The following AGAP1 variants were observed in gnomAD, a reference collection of about 807,000 sequenced individuals.
AGAP1 encodes ArfGAP with GTPase domain, ankyrin repeat and PH domain 1, also known as arf-GAP with GTPase, ANK repeat and PH domain-containing protein 1.
AGAP1 carries 29 observed loss-of-function variants against 105.3 expected under a neutral mutation model. The ratio of observed to expected loss-of-function variants is 0.28; its 90% CI spans 0.21 to 0.38. AGAP1 has a LOEUF of 0.38. Among genes scored for constraint, AGAP1 ranks in the 10% least tolerant of loss-of-function variants. The pLI is 1.00. For synonymous variants in AGAP1, 509 were observed against 485.9 expected (o/e 1.05, Z -0.63); for missense variants, 998 against 1,165.1 (o/e 0.86, Z 2.09).
Position 235,721,158 on chromosome 2 carries a change from C to T in AGAP1, c.310+3514C>T, listed in dbSNP as rs1436730182. ...GAGTAGCTGGGATTACAGGCACCCC[C>T]CACCGCGCCCGGATAATTTTTGTAT... On this transcript the variant is annotated intron_variant, in intron 3 of 17. Transcript: ENST00000304032. This position sits in a 1 kb window ranked among gnomAD's most constrained non-coding sequence, Gnocchi z 4.5. Among the ~76,000 whole-genome samples the T allele has an allele frequency of 1.3e-5, 2 of 152,094 alleles. No individual in the cohort carries two copies. The highest frequency in any genetic ancestry group is 1.3e-4 in the Admixed American group (2 of 15,270).
rs575300411 is a variant in AGAP1 at position 235,610,634 on chromosome 2, T to C, written c.164-98545T>C. On this transcript the variant is annotated intron_variant, in intron 1 of 17. Transcript: ENST00000304032. This position sits in a 1 kb window ranked among gnomAD's most constrained non-coding sequence, Gnocchi z 4.9. Reference sequence around the variant, plus strand: ...ATCGCATTGGGGGTTGAGCTTTAAATACAAATTTCAGGAGAGCTCAATACA... The same window carrying C: ...ATCGCATTGGGGGTTGAGCTTTAAACACAAATTTCAGGAGAGCTCAATACA... Among the ~76,000 whole-genome samples the C allele has an allele frequency of 6.6e-6, 1 of 152,230 alleles. No individual in the cohort carries two copies. The highest frequency in any genetic ancestry group is 2.1e-4 in the South Asian group (1 of 4,826).
chr2:236,120,562 A>G lies in AGAP1; in HGVS notation c.2370+115A>G, dbSNP rs74814110. On this transcript the variant is annotated intron_variant, in intron 17 of 17. Coordinates refer to ENST00000304032, the MANE Select transcript of AGAP1 (RefSeq NM_001037131.3). This position sits in a 1 kb window ranked among gnomAD's most constrained non-coding sequence, Gnocchi z 6.0. ...GCTGTTGTTCTCGATCTGCAAGTGG[A>G]AACAGTTCCTAATGGGAAACTCTGA... 11,073 of 1,517,478 alleles carry G rather than the reference A, an allele frequency of 7.3e-3. 681 individuals carry two copies. In the African/African-American group the frequency reaches 0.13, roughly 18 times the overall value. The allele number at this position is 1,517,478 out of a possible 1,614,324, so 94.0% of individuals were successfully genotyped here.
At chr2:235,713,592 T>C (rs1950955113) in intron 2 of AGAP1, among the ~76,000 whole-genome samples, 1 of 152,216 alleles carries the variant, frequency 6.6e-6, no homozygotes, top group Admixed American at 6.5e-5. Flanking sequence ...GGAAGCCAGA[T>C]CAACACACTG....
At chr2:235,585,126 G>A (rs879518863) in intron 1 of AGAP1, among the ~76,000 whole-genome samples, 3 of 151,592 alleles carry the variant, frequency 2.0e-5, no homozygotes, top group African/African-American at 7.3e-5. Context: ...ATTTCTTATC[G>A]CTGTTGTAAC....
intron 1 of AGAP1, among the ~76,000 whole-genome samples, chr2:235,707,487 G>A (rs922632740): frequency 2.4e-4 from 3 of 12,586 alleles, no homozygotes; most frequent in Non-Finnish European, 3.9e-4. Context: ...CCCCCCCCCC[G>A]CCCAGAACAC....
Position 236,012,900 on chromosome 2 carries a change from C to G in AGAP1, c.1646-23661C>G, listed in dbSNP as rs989656512. Among the ~76,000 whole-genome samples the G allele has an allele frequency of 6.6e-6, 1 of 152,130 alleles. No individual in the cohort carries two copies. The highest frequency in any genetic ancestry group is 6.5e-5 in the Admixed American group (1 of 15,278). On this transcript the variant is annotated intron_variant, in intron 13 of 17. Transcript: ENST00000304032. This position sits in a 1 kb window ranked among gnomAD's most constrained non-coding sequence, Gnocchi z 4.9. ...TAGCTGGGATTATAGGCGTGCCCCACCATGCACAGCTAATTTTTGTATTTT... is the reference window on the plus strand; with the variant it reads ...TAGCTGGGATTATAGGCGTGCCCCAGCATGCACAGCTAATTTTTGTATTTT...
rs187524989 is a variant in AGAP1, at chr2:235,729,076, C to T, written c.310+11432C>T. Among the ~76,000 whole-genome samples the T allele has an allele frequency of 3.3e-5, 5 of 152,054 alleles. No individual in the cohort carries two copies. Among genetic ancestry groups the T allele is most frequent in the African/African-American group, 1.2e-4 (5 of 41,366 alleles). On this transcript the variant is annotated intron_variant, in intron 3 of 17. Transcript: ENST00000304032. The surrounding 1 kb of genome is among the most constrained non-coding windows in gnomAD (Gnocchi z 5.0). Reference sequence around the variant, plus strand: ...AGTGGCTGGGCTCCAGGGCTCCAGCCAGGCTATTAGCAGGAGCACTGGCTT... The same window carrying T: ...AGTGGCTGGGCTCCAGGGCTCCAGCTAGGCTATTAGCAGGAGCACTGGCTT...
In AGAP1 at chr2:235,788,625, G is replaced by A. The variant is rs1298113854; in HGVS notation, c.674-9134G>A. On this transcript the variant is annotated intron_variant, in intron 6 of 17. Transcript: ENST00000304032. This position sits in a 1 kb window ranked among gnomAD's most constrained non-coding sequence, Gnocchi z 6.0. ...CATCGGTGTCGTCAGTGCACATCCCGGTGCTTGGAACTGACTGGTGGGCGT... is the reference window on the plus strand; with the variant it reads ...CATCGGTGTCGTCAGTGCACATCCCAGTGCTTGGAACTGACTGGTGGGCGT... 2.0e-5 allele frequency among the ~76,000 whole-genome samples: 3 copies of A among 152,026 alleles called. No homozygotes were observed. The highest frequency in any genetic ancestry group is 4.4e-5 in the Non-Finnish European group (3 of 67,994).
At chr2:235,695,230 A>C (rs757570974) in intron 1 of AGAP1, among the ~76,000 whole-genome samples, 15 of 152,174 alleles carry the variant, frequency 9.9e-5, no homozygotes, top group Non-Finnish European at 1.3e-4. Flanking sequence ...TGGATGAGTC[A>C]GTTCACTCCA....
At chr2:235,687,680 T>G (rs879157455) in intron 1 of AGAP1, among the ~76,000 whole-genome samples, 1 of 152,126 alleles carries the variant, frequency 6.6e-6, no homozygotes, top group Non-Finnish European at 1.5e-5. Flanking sequence ...TACACAGGAA[T>G]GCAGGAATGC....
chr2:236,053,458 CG>C lies in AGAP1; in HGVS notation c.2114+4181del, dbSNP rs2057966153. ...CTCCCTCGCGGTACAGCAGTGTTTC[CG>C]GGGCTGCACGGCAGCGCCCTGGCCC... is the stretch of plus-strand genomic sequence containing the variant. On this transcript the variant is annotated intron_variant, in intron 16 of 17. Coordinates refer to ENST00000304032, the MANE Select transcript of AGAP1 (RefSeq NM_001037131.3). This position sits in a 1 kb window ranked among gnomAD's most constrained non-coding sequence, Gnocchi z 4.6. 6.6e-6 allele frequency among the ~76,000 whole-genome samples: 1 copy of C among 152,216 alleles called. No individual in the cohort carries two copies. The highest frequency in any genetic ancestry group is 1.5e-5 in the Non-Finnish European group (1 of 68,046).
At chr2:236,047,632 T>C (rs4311018) in intron 15 of AGAP1, among the ~76,000 whole-genome samples, 17,846 of 124,684 alleles carry the variant, frequency 0.14, 2,874 homozygotes, top group African/African-American at 0.4. Flanking sequence ...AGGAGTCTCG[T>C]TCTGTCACCC....
intron 1 of AGAP1, among the ~76,000 whole-genome samples, chr2:235,509,004 T>C (rs76005439): frequency 0.046 from 7,029 of 152,276 alleles, 178 homozygotes; most frequent in Middle Eastern, 0.16. Context: ...CTGCGCTATC[T>C]GCTTCCCACT....
intron 6 of AGAP1, among the ~76,000 whole-genome samples, chr2:235,786,955 C>G (rs1456057403): frequency 2.0e-5 from 3 of 152,216 alleles, no homozygotes; most frequent in African/African-American, 7.2e-5. Context: ...GACACCTTTT[C>G]CCAGCATATG....
intron 12 of AGAP1, among the ~76,000 whole-genome samples, chr2:235,945,906 C>T (rs1282396096): frequency 1.4e-5 from 1 of 69,076 alleles, no homozygotes; most frequent in Non-Finnish European, 2.9e-5. Flanking sequence ...GTGGTGGGGG[C>T]GATATGGGGG....
chr2:235,784,695 A>G (rs1346326080), intron 6 of AGAP1, among the ~76,000 whole-genome samples: 2 of 151,402 alleles, frequency 1.3e-5, no homozygotes, highest in East Asian at 1.9e-4. Context: ...CCTGGTTTAT[A>G]TGTTAATCAT....
In AGAP1 at chr2:235,723,419, A is replaced by G. The variant is rs1951485488; in HGVS notation, c.310+5775A>G. ...CTAGGATGTCCAGTATTATGTGGAC[A>G]TTAGATAGGAAATGTGGACCTGCCC... On this transcript the variant is annotated intron_variant, in intron 3 of 17. Coordinates refer to ENST00000304032, the MANE Select transcript of AGAP1 (RefSeq NM_001037131.3). The surrounding 1 kb of genome is among the most constrained non-coding windows in gnomAD (Gnocchi z 6.2). Among the ~76,000 whole-genome samples the G allele has an allele frequency of 6.6e-6, 1 of 152,206 alleles. No homozygotes were observed.
rs1474833714 is a variant in AGAP1 at position 235,739,157 on chromosome 2, G to C, written c.311-1806G>C. Among the ~76,000 whole-genome samples, 1 of 152,026 alleles carries C rather than the reference G, an allele frequency of 6.6e-6. No homozygotes were observed. Among genetic ancestry groups the C allele is most frequent in the African/African-American group, 2.4e-5 (1 of 41,314 alleles). On this transcript the variant is annotated intron_variant, in intron 3 of 17. Coordinates refer to ENST00000304032, the MANE Select transcript of AGAP1 (RefSeq NM_001037131.3). This position sits in a 1 kb window ranked among gnomAD's most constrained non-coding sequence, Gnocchi z 5.3. ...CATCCCCTTTGCATCTGGGGACACT[G>C]AGATGGGGCGAGGTGGGGCAAGACT...
rs75376999 is a variant in AGAP1 at position 235,642,658 on chromosome 2, G to C, written c.164-66521G>C. Among the ~76,000 whole-genome samples, 2 of 152,138 alleles carry C rather than the reference G, an allele frequency of 1.3e-5. No homozygotes were observed. The highest frequency in any genetic ancestry group is 1.3e-4 in the Admixed American group (2 of 15,268). On this transcript the variant is annotated intron_variant, in intron 1 of 17. Coordinates refer to ENST00000304032, the MANE Select transcript of AGAP1 (RefSeq NM_001037131.3). This position sits in a 1 kb window ranked among gnomAD's most constrained non-coding sequence, Gnocchi z 4.1. Reference sequence around the variant, plus strand: ...CACACCAGCTTGGGGATGAATCAGCGGGTGCTCTGACCACTACTTTCCCAA... The same window carrying C: ...CACACCAGCTTGGGGATGAATCAGCCGGTGCTCTGACCACTACTTTCCCAA...
Sources: gnomAD v4.1 joint callset for allele counts (sites outside exome capture counted in the v4.1 genomes callset) on GRCh38, gnomAD v4.1.1 for gene constraint, Gnocchi (gnomAD v3.1) non-coding constraint, MANE v1.5 for transcripts, NCBI Gene and HGNC (gene_info 2026-07-23, HGNC 2026-07-21) for gene names.